LPIN1: variants seen among roughly 807,000 people sequenced by gnomAD.
The protein encoded by LPIN1 is phosphatidate phosphatase LPIN1.
In LPIN1, 71 loss-of-function variants were observed where a neutral mutation model predicts 107.5. The observed-to-expected ratio is 0.66, with a 90% CI of 0.55 to 0.80. The LOEUF is 0.80. LPIN1 is among the 30% of genes least tolerant of loss of function. The pLI, the probability that LPIN1 is intolerant of heterozygous loss-of-function variation, is 0.00. For synonymous variants in LPIN1, 445 were observed against 452.6 expected (o/e 0.98, Z 0.21); for missense variants, 1,043 against 1,160.6 (o/e 0.90, Z 1.47).
intron 3 of LPIN1, among the ~76,000 whole-genome samples, chr2:11,768,218 A>T (rs1409080342): frequency 1.3e-5 from 2 of 152,232 alleles, no homozygotes; most frequent in Non-Finnish European, 2.9e-5. Flanking sequence ...GAATTACTTT[A>T]AAAAATATTT....
intron 1 of LPIN1, among the ~76,000 whole-genome samples, chr2:11,755,068 C>A (rs1297902848): frequency 6.6e-6 from 1 of 151,856 alleles, no homozygotes; most frequent in Non-Finnish European, 1.5e-5. Context: ...CGGGTTCACG[C>A]CATTCTCCTG....
chr2:11,715,800 G>A (rs942095787), intron 2 of LPIN1, among the ~76,000 whole-genome samples: 2 of 152,126 alleles, frequency 1.3e-5, no homozygotes, highest in Admixed American at 6.5e-5. Context: ...TTGGAAGAGG[G>A]GATGAAAATG....
intron 14 of LPIN1, among the ~76,000 whole-genome samples, chr2:11,797,541 C>G (rs544290942): frequency 6.6e-6 from 1 of 152,244 alleles, no homozygotes; most frequent in East Asian, 1.9e-4. Context: ...GGATGTGAGA[C>G]ATGGAGTCAA....
chr2:11,796,327 GTTGTTGAT>G (rs1438697081), intron 14 of LPIN1, among the ~76,000 whole-genome samples: 1 of 152,192 alleles, frequency 6.6e-6, no homozygotes, highest in Non-Finnish European at 1.5e-5. Context: ...TTCTCCATGT[GTTGTTGAT>G]TTATGGGAGA....
intron 1 of LPIN1, among the ~76,000 whole-genome samples, chr2:11,684,870 A>G (rs1479526254): frequency 6.6e-6 from 1 of 151,994 alleles, no homozygotes; most frequent in Non-Finnish European, 1.5e-5. Context: ...TGCTTATTCT[A>G]GTAATAAATA....
intron 3 of LPIN1, among the ~76,000 whole-genome samples, chr2:11,770,524 C>T (rs1336694411): frequency 1.3e-5 from 2 of 152,170 alleles, no homozygotes; most frequent in East Asian, 3.8e-4. Context: ...GATGACCTCT[C>T]ACTCCCTTCC....
intron 13 of LPIN1, among the ~76,000 whole-genome samples, chr2:11,793,193 A>C (rs1178532299): frequency 6.6e-6 from 1 of 152,170 alleles, no homozygotes; most frequent in Admixed American, 6.5e-5. Flanking sequence ...AAATGGCACC[A>C]CTGTCCATCT....
chr2:11,717,697 GT>G (rs554187260), intron 2 of LPIN1, among the ~76,000 whole-genome samples: 2,322 of 146,884 alleles, frequency 0.016, 54 homozygotes, highest in African/African-American at 0.051. Flanking sequence ...CAGGTGACAG[GT>G]TTTTTTTTTT....
chr2:11,814,512 A>ATGTGTGTGTGTG (rs71394769), intron 17 of LPIN1, among the ~76,000 whole-genome samples: 75 of 138,528 alleles, frequency 5.4e-4, no homozygotes, highest in African/African-American at 1.7e-3. Flanking sequence ...GTGTGTGTGC[A>ATGTGTGTGTGTG]TGTGTGTGTG....
intron 14 of LPIN1, among the ~76,000 whole-genome samples, chr2:11,800,948 C>A (rs754037581): frequency 2.6e-5 from 4 of 152,154 alleles, no homozygotes; most frequent in Non-Finnish European, 5.9e-5. Context: ...GTTGTCTCTT[C>A]GCTCTGTTGA....
In LPIN1 at chr2:11,824,907, G is replaced by C; in HGVS notation, c.*116G>C. ...GAGCCTGGCGCGTCATCATTGGCCT[G>C]ACAGCAGAGAGAATTGAGAAGCATT... On this transcript the variant is annotated 3_prime_UTR_variant, in exon 21 of 21. Coordinates refer to ENST00000674199, the MANE Select transcript of LPIN1 (RefSeq NM_001349206.2). 8.4e-7 allele frequency: 1 copy of C among 1,184,116 alleles called. No homozygotes were observed. 73.4% of individuals were successfully genotyped at this position (1,184,116 alleles called of 1,614,324 possible).
At chr2:11,822,295 A>G (rs1681666801) in intron 20 of LPIN1, among the ~76,000 whole-genome samples, 1 of 151,208 alleles carries the variant, frequency 6.6e-6, no homozygotes, top group Non-Finnish European at 1.5e-5. Context: ...AAAAAAAAAA[A>G]AAAAAATTAG....
chr2:11,741,864 A>G (rs1020418767), upstream of LPIN1, among the ~76,000 whole-genome samples: 8 of 150,396 alleles, frequency 5.3e-5, no homozygotes, highest in African/African-American at 1.9e-4. Flanking sequence ...GATGTTGCCC[A>G]GGCTGGTCTC....
At chr2:11,744,145 C>T (rs570976920), upstream of LPIN1, among the ~76,000 whole-genome samples, 2 of 152,348 alleles carry the variant, frequency 1.3e-5, no homozygotes, top group South Asian at 4.1e-4. Flanking sequence ...TACTCAGCCC[C>T]TCCTTCCTCC....
chr2:11,686,030 C>G (rs1025107348), intron 1 of LPIN1, among the ~76,000 whole-genome samples: 1 of 152,212 alleles, frequency 6.6e-6, no homozygotes, highest in Non-Finnish European at 1.5e-5. Context: ...GGAAACCCCC[C>G]AGCTGGTGGG....
chr2:11,792,163 G>A, intron 13 of LPIN1, 157 bp downstream of exon 13: 1 of 668,090 alleles, frequency 1.5e-6, no homozygotes, highest in Non-Finnish European at 2.7e-6. Flanking sequence ...AGTGCTCGTG[G>A]AACGTGGGGA....
Position 11,815,222 on chromosome 2 carries a change from T to C in LPIN1, c.2384T>C (p.Leu795Pro). ...QGPLLLSPSS[L>P]FSALHREVIE... ...CCCCTGCTGCTGAGTCCCAGCAGCC[T>C]CTTCTCTGCCCTGCACAGGTACCAG... Residue 795 changes from leucine to proline, a missense_variant, in exon 18 of 21, where the codon CTC (leucine) becomes CCC (proline). Leu to Pro is a moderately conservative substitution (Grantham distance 98). Coordinates refer to ENST00000674199, the MANE Select transcript of LPIN1 (RefSeq NM_001349206.2). 1 of 1,614,074 alleles carries C rather than the reference T, an allele frequency of 6.2e-7. No individual in the cohort carries two copies. The highest frequency in any genetic ancestry group is 8.5e-7 in the Non-Finnish European group (1 of 1,179,990).
chr2:11,687,037 G>A (rs986373499), intron 1 of LPIN1, among the ~76,000 whole-genome samples: 6 of 131,406 alleles, frequency 4.6e-5, no homozygotes, highest in South Asian at 4.8e-4. Flanking sequence ...GTCTTGGTGC[G>A]TTGCTGAGGC....
Position 11,825,710 on chromosome 2 carries a change from C to A in LPIN1, c.*919C>A, listed in dbSNP as rs1374960125. The stretch of plus-strand genomic sequence containing the variant: ...TGCCAAATGATAATGATACTGACTT[C>A]TGTTGGGAGCTCTCCAAAGAAACTG... On this transcript the variant is annotated 3_prime_UTR_variant, in exon 21 of 21. Coordinates refer to ENST00000674199, the MANE Select transcript of LPIN1 (RefSeq NM_001349206.2). The surrounding 1 kb of genome is among the most constrained non-coding windows in gnomAD (Gnocchi z 4.1). 6.6e-6 allele frequency: 1 copy of A among 152,446 alleles called. No individual in the cohort carries two copies. Among genetic ancestry groups the A allele is most frequent in the East Asian group, 1.9e-4 (1 of 5,194 alleles). 9.4% of individuals were successfully genotyped at this position (152,446 alleles called of 1,614,324 possible). A position where few individuals can be genotyped will look rare whatever the true frequency, so the allele number is the denominator to read the frequency against.
Sources: gnomAD v4.1 joint callset for allele counts (sites outside exome capture counted in the v4.1 genomes callset) on GRCh38, gnomAD v4.1.1 for gene constraint, Gnocchi (gnomAD v3.1) non-coding constraint, MANE v1.5 for transcripts, NCBI Gene and HGNC (gene_info 2026-07-23, HGNC 2026-07-21) for gene names.